The following TNRC6B variants were observed in gnomAD, a reference collection of about 807,000 sequenced individuals.
TNRC6B encodes trinucleotide repeat containing adaptor 6B, also known as trinucleotide repeat-containing gene 6B protein.
Under a neutral mutation model 203.6 loss-of-function variants are expected in TNRC6B, and 52 were observed. The observed-to-expected ratio is 0.26, with a 90% CI of 0.20 to 0.32. TNRC6B has a LOEUF of 0.32. TNRC6B is among the 10% of genes least tolerant of loss of function. The pLI is 1.00. For missense variants in TNRC6B, 1,923 were observed against 2,286.2 expected (o/e 0.84, Z 3.24); for synonymous variants, 838 against 845.7 (o/e 0.99, Z 0.16).
chr22:40,333,762 G>A lies in TNRC6B; in HGVS notation c.*10521G>A, dbSNP rs1289451605. On this transcript the variant is annotated 3_prime_UTR_variant, in exon 23 of 23. Coordinates refer to ENST00000454349, the MANE Select transcript of TNRC6B (RefSeq NM_001162501.2). ...ATTACCCCCTCCATGAGCTCGAAGCGACATTAAGTAGAGGGAAATGCTTTT... is the reference window on the plus strand; with the variant it reads ...ATTACCCCCTCCATGAGCTCGAAGCAACATTAAGTAGAGGGAAATGCTTTT... 1.3e-5 allele frequency: 2 copies of A among 152,610 alleles called. No individual in the cohort carries two copies. Among genetic ancestry groups the A allele is most frequent in the South Asian group, 2.1e-4 (1 of 4,830 alleles). 9.5% of individuals were successfully genotyped at this position (152,610 alleles called of 1,614,324 possible).
intron 3 of TNRC6B, among the ~76,000 whole-genome samples, chr22:40,132,380 G>A (rs6001791): frequency 2.7e-5 from 4 of 150,120 alleles, no homozygotes; most frequent in African/African-American, 7.4e-5. Flanking sequence ...AAGACGAGAC[G>A]AGACGGGACG....
chr22:40,124,436 C>T (rs2068470941), intron 2 of TNRC6B, among the ~76,000 whole-genome samples: 1 of 151,838 alleles, frequency 6.6e-6, no homozygotes, highest in Non-Finnish European at 1.5e-5. Flanking sequence ...AGTCCTCCCA[C>T]CTCAGCCTCT....
upstream of TNRC6B, among the ~76,000 whole-genome samples, chr22:40,173,730 T>G (rs988882359): frequency 2.5e-4 from 36 of 145,984 alleles, no homozygotes; most frequent in African/African-American, 9.0e-4. Flanking sequence ...CTTTTATATT[T>G]ATTCATTTTT....
chr22:40,301,359 C>T (rs776001873), intron 15 of TNRC6B, 26 bp downstream of exon 15: 1 of 1,595,332 alleles, frequency 6.3e-7, no homozygotes, highest in Non-Finnish European at 8.6e-7. Flanking sequence ...AGAAAATTAC[C>T]TTTTTAGAAA....
intron 22 of TNRC6B, 175 bp downstream of exon 22, chr22:40,321,404 C>A: frequency 1.4e-6 from 1 of 724,682 alleles, no homozygotes; most frequent in Non-Finnish European, 2.2e-6. Flanking sequence ...TCTTTTCCAC[C>A]AAAGCTTGGA....
chr22:40,299,009 T>C (rs1381779611), intron 12 of TNRC6B, among the ~76,000 whole-genome samples: 2 of 150,094 alleles, frequency 1.3e-5, no homozygotes, highest in Admixed American at 6.6e-5. Context: ...GAGCGGTGGC[T>C]CATACTTGTA....
intron 1 of TNRC6B, among the ~76,000 whole-genome samples, chr22:40,058,438 A>G (rs1027035025): frequency 4.5e-5 from 6 of 133,472 alleles, no homozygotes; most frequent in Admixed American, 7.0e-5. Flanking sequence ...ATGTGACACA[A>G]TGTGCTTTAG....
intron 1 of TNRC6B, among the ~76,000 whole-genome samples, chr22:40,236,981 A>G (rs1268992282): frequency 6.6e-6 from 1 of 152,130 alleles, no homozygotes; most frequent in Non-Finnish European, 1.5e-5. Context: ...CCTGACCAAC[A>G]TGGTGAAACC....
chr22:40,309,522 C>T (rs969792647), intron 16 of TNRC6B, among the ~76,000 whole-genome samples: 8 of 152,218 alleles, frequency 5.3e-5, no homozygotes, highest in Non-Finnish European at 1.2e-4. Flanking sequence ...GGTTTCATGG[C>T]ATGAAGTCAA....
At chr22:40,218,525 G>A (rs1358316660) in intron 1 of TNRC6B, among the ~76,000 whole-genome samples, 2 of 151,738 alleles carry the variant, frequency 1.3e-5, no homozygotes, top group East Asian at 1.9e-4. Context: ...ACATGGTTTC[G>A]TCATGTTTCC....
intron 1 of TNRC6B, among the ~76,000 whole-genome samples, chr22:40,217,831 C>T (rs192603991): frequency 5.3e-5 from 8 of 151,922 alleles, no homozygotes; most frequent in Non-Finnish European, 7.4e-5. Flanking sequence ...AAAAATTAGC[C>T]GGGCCTGGTT....
At chr22:40,099,206 C>T (rs985548138) in intron 1 of TNRC6B, among the ~76,000 whole-genome samples, 3 of 149,702 alleles carry the variant, frequency 2.0e-5, no homozygotes, top group African/African-American at 7.4e-5. Context: ...GCTGAGATCG[C>T]GTGCACCACT....
At chr22:40,121,963 A>G (rs775676052) in intron 2 of TNRC6B, among the ~76,000 whole-genome samples, 2 of 152,250 alleles carry the variant, frequency 1.3e-5, no homozygotes, top group African/African-American at 2.4e-5. Context: ...AAGCTTCTAC[A>G]AGAAAATACT....
intron 5 of TNRC6B, 56 bp downstream of exon 5, chr22:40,267,092 G>A (rs1049154216): frequency 3.6e-5 from 52 of 1,443,660 alleles, no homozygotes; most frequent in Non-Finnish European, 4.7e-5. Flanking sequence ...CCTAGACCAA[G>A]GCATTTTTAT....
At chr22:40,122,051 C>T (rs770465292) in intron 2 of TNRC6B, among the ~76,000 whole-genome samples, 8 of 152,302 alleles carry the variant, frequency 5.3e-5, no homozygotes, top group Non-Finnish European at 8.8e-5. Flanking sequence ...TATTTTACTC[C>T]CTTGAATTTT....
Position 40,326,743 on chromosome 22 carries a change from T to C in TNRC6B, c.*3502T>C, listed in dbSNP as rs1050721176. On this transcript the variant is annotated 3_prime_UTR_variant, in exon 23 of 23. Coordinates refer to ENST00000454349, the MANE Select transcript of TNRC6B (RefSeq NM_001162501.2). ...AGAATCTATGTAAAGAGTTAGGAAA[T>C]ATAGGTTAATAATTTTTGGAACAAA... 1 of 152,590 alleles carries C rather than the reference T, an allele frequency of 6.6e-6. No homozygotes were observed. Among genetic ancestry groups the C allele is most frequent in the East Asian group, 1.9e-4 (1 of 5,200 alleles). 9.5% of individuals were successfully genotyped at this position (152,590 alleles called of 1,614,324 possible).
At chr22:40,255,076 A>G (rs1185156247) in intron 3 of TNRC6B, among the ~76,000 whole-genome samples, 1 of 152,158 alleles carries the variant, frequency 6.6e-6, no homozygotes, top group Non-Finnish European at 1.5e-5. Context: ...TTGAGCTCCC[A>G]GGGAAGGGCT....
chr22:40,212,940 G>A (rs1040285300), intron 1 of TNRC6B, among the ~76,000 whole-genome samples: 2 of 152,116 alleles, frequency 1.3e-5, no homozygotes, highest in Non-Finnish European at 2.9e-5. Flanking sequence ...GTGAGCCACC[G>A]CCGCGCCTGG....
intron 19 of TNRC6B, among the ~76,000 whole-genome samples, chr22:40,313,734 G>C (rs2071219590): frequency 2.6e-5 from 4 of 152,308 alleles, no homozygotes; most frequent in Admixed American, 2.6e-4. Context: ...ACATTGTCTT[G>C]TTCTCCTTCC....
Sources: gnomAD v4.1 joint callset for allele counts (sites outside exome capture counted in the v4.1 genomes callset) on GRCh38, gnomAD v4.1.1 for gene constraint, MANE v1.5 for transcripts, NCBI Gene and HGNC (gene_info 2026-07-23, HGNC 2026-07-21) for gene names.